Variants in MTUS2 observed in about 807,000 individuals in gnomAD.
The protein encoded by MTUS2 is microtubule-associated tumor suppressor candidate 2.
MTUS2 carries 40 observed loss-of-function variants against 114.1 expected under a neutral mutation model. The observed-to-expected ratio is 0.35, with a 90% confidence interval of 0.27 to 0.46. The LOEUF (loss-of-function observed/expected upper bound fraction) is 0.46. MTUS2 is among the 20% of genes least tolerant of loss of function. MTUS2 has a pLI of 1.00. For synonymous variants in MTUS2, 688 were observed against 672.0 expected, an observed-to-expected ratio of 1.02 and a Z score of -0.37; for missense variants, 1,679 against 1,705.4, an observed-to-expected ratio of 0.98 and a Z score of 0.27.
chr13:28,892,897 A>G (rs945735204), intron 2 of MTUS2, among the ~76,000 whole-genome samples: 3 of 152,200 alleles, frequency 2.0e-5, no homozygotes, highest in Non-Finnish European at 2.9e-5. Flanking sequence ...CTTCTTTCCA[A>G]TGCAGAGAAG....
intron 5 of MTUS2, among the ~76,000 whole-genome samples, chr13:29,274,116 T>A (rs1015295884): frequency 6.6e-6 from 1 of 152,066 alleles, no homozygotes; most frequent in Non-Finnish European, 1.5e-5. Context: ...GTTTGTTTGT[T>A]TGTTTGTTTG....
At chr13:29,309,952 T>A (rs1044651473) in intron 6 of MTUS2, among the ~76,000 whole-genome samples, 1 of 152,172 alleles carries the variant, frequency 6.6e-6, no homozygotes, top group Non-Finnish European at 1.5e-5. Context: ...TATTTTTAAA[T>A]ATACAAAAAA....
chr13:28,920,741 G>A (rs1395801173), intron 2 of MTUS2, among the ~76,000 whole-genome samples: 1 of 152,222 alleles, frequency 6.6e-6, no homozygotes, highest in Non-Finnish European at 1.5e-5. Flanking sequence ...TTCTACTGCG[G>A]CTAAGCTAGT....
chr13:29,077,696 T>C (rs1056540878), intron 4 of MTUS2, among the ~76,000 whole-genome samples: 1 of 152,228 alleles, frequency 6.6e-6, no homozygotes, highest in Non-Finnish European at 1.5e-5. Flanking sequence ...CCAGAACACC[T>C]TGTGAAGTGT....
rs2153664 is a variant in MTUS2, at chr13:28,850,432, G to A, written c.-243+10582G>A. 2.1e-3 allele frequency among the ~76,000 whole-genome samples: 323 copies of A among 152,318 alleles called. 1 individual carries two copies. The highest frequency in any genetic ancestry group is 7.3e-3 in the African/African-American group (302 of 41,556). ...GGCCAAGCTTGGCTAATTGGCCAGC[G>A]ACAGCCCTGCTGGGCTAGGCATTCT... On this transcript the variant is annotated intron_variant, in intron 2 of 15. Coordinates refer to ENST00000612955, the MANE Select transcript of MTUS2 (RefSeq NM_001033602.4).
chr13:29,139,103 G>A (rs1457965311), intron 5 of MTUS2, among the ~76,000 whole-genome samples: 1 of 151,146 alleles, frequency 6.6e-6, no homozygotes, highest in Non-Finnish European at 1.5e-5. Flanking sequence ...CTTATGCTAG[G>A]TACTTTGCAT....
At chr13:29,362,164 T>C (rs1870311412) in intron 8 of MTUS2, among the ~76,000 whole-genome samples, 1 of 152,222 alleles carries the variant, frequency 6.6e-6, no homozygotes, top group Non-Finnish European at 1.5e-5. Flanking sequence ...GCAAAGATGC[T>C]TTATAGAGAT....
intron 2 of MTUS2, among the ~76,000 whole-genome samples, chr13:28,862,890 C>T (rs1369732253): frequency 2.0e-5 from 3 of 152,058 alleles, no homozygotes; most frequent in East Asian, 3.9e-4. Flanking sequence ...AGATATTTCC[C>T]AGTAGAGTCA....
intron 4 of MTUS2, among the ~76,000 whole-genome samples, chr13:29,091,026 C>A (rs577917307): frequency 6.6e-6 from 1 of 152,120 alleles, no homozygotes; most frequent in Non-Finnish European, 1.5e-5. Context: ...CTGGTTGCCA[C>A]TTGGGACCCA....
intron 2 of MTUS2, among the ~76,000 whole-genome samples, chr13:28,841,962 G>T (rs772458652): frequency 2.6e-5 from 4 of 152,174 alleles, no homozygotes; most frequent in African/African-American, 9.7e-5. Flanking sequence ...TGGGATTACA[G>T]GCGTGAGCCA....
chr13:29,486,538 GC>G (rs1881629710), intron 10 of MTUS2, among the ~76,000 whole-genome samples: 1 of 152,168 alleles, frequency 6.6e-6, no homozygotes, highest in African/African-American at 2.4e-5. Flanking sequence ...CCAGCTAGAA[GC>G]AATGTCTTCT....
chr13:29,057,667 C>A (rs1349881518), intron 4 of MTUS2, among the ~76,000 whole-genome samples: 3 of 152,124 alleles, frequency 2.0e-5, no homozygotes, highest in Non-Finnish European at 4.4e-5. Context: ...TTCTTCCTCT[C>A]TTTACTTTGA....
At chr13:29,201,851 TA>T (rs1894972495) in intron 5 of MTUS2, among the ~76,000 whole-genome samples, 1 of 152,218 alleles carries the variant, frequency 6.6e-6, no homozygotes, top group African/African-American at 2.4e-5. Context: ...TTCTGGCTTG[TA>T]TGGTTTCTGC....
intron 4 of MTUS2, among the ~76,000 whole-genome samples, chr13:29,073,793 C>T (rs1301868736): frequency 6.6e-6 from 1 of 152,064 alleles, no homozygotes; most frequent in African/African-American, 2.4e-5. Flanking sequence ...CCTAAAGTCC[C>T]TACAAATGAT....
intron 2 of MTUS2, among the ~76,000 whole-genome samples, chr13:28,997,971 G>T (rs1885196940): frequency 6.6e-6 from 1 of 152,170 alleles, no homozygotes; most frequent in South Asian, 2.1e-4. Flanking sequence ...AGTTGATGCA[G>T]TTTCTTCTTA....
chr13:28,987,384 G>A (rs1884636230), intron 2 of MTUS2, among the ~76,000 whole-genome samples: 1 of 152,140 alleles, frequency 6.6e-6, no homozygotes, highest in Non-Finnish European at 1.5e-5. Flanking sequence ...TCTTTGCGAG[G>A]GCTGTTTCAG....
At chr13:28,887,572 T>C (rs1878666307) in intron 2 of MTUS2, among the ~76,000 whole-genome samples, 1 of 152,160 alleles carries the variant, frequency 6.6e-6, no homozygotes, top group South Asian at 2.1e-4. Context: ...AATAAGGGCT[T>C]TGAAGCTGAG....
At chr13:28,852,663 G>A (rs1332916035) in intron 2 of MTUS2, among the ~76,000 whole-genome samples, 3 of 152,048 alleles carry the variant, frequency 2.0e-5, no homozygotes, top group Admixed American at 6.6e-5. Context: ...TCAGGAGTTC[G>A]AGATCAGCCT....
intron 5 of MTUS2, among the ~76,000 whole-genome samples, chr13:29,183,043 A>G (rs56199436): frequency 0.16 from 24,065 of 152,220 alleles, 2,498 homozygotes; most frequent in Non-Finnish European, 0.21. Context: ...GCCAGTGGAA[A>G]GTTTTGAGCA....
Sources: allele counts gnomAD v4.1 joint callset (sites outside exome capture counted in the v4.1 genomes callset), GRCh38; gene constraint gnomAD v4.1.1; transcripts MANE v1.5; gene names NCBI Gene and HGNC (gene_info 2026-07-23, HGNC 2026-07-21).